PAFAH2: variants seen among roughly 807,000 people sequenced by gnomAD.
The protein encoded by PAFAH2 is platelet activating factor acetylhydrolase 2.
A neutral mutation model predicts 49.0 loss-of-function variants in PAFAH2; 42 were observed. That is an observed-to-expected ratio of 0.86 (90% confidence interval 0.67 to 1.11). The LOEUF (loss-of-function observed/expected upper bound fraction) is 1.11, where lower values mean the gene tolerates loss of function less well. PAFAH2 is among the 50% of genes least tolerant of loss of function. PAFAH2 has a pLI of 0.00. For synonymous variants in PAFAH2, 184 were observed against 181.3 expected (o/e 1.01, Z -0.12); for missense variants, 503 against 501.8 (o/e 1.00, Z -0.02).
At chr1:25,992,874 G>A (rs545063170) in intron 1 of PAFAH2, among the ~76,000 whole-genome samples, 1 of 152,276 alleles carries the variant, frequency 6.6e-6, no homozygotes, top group Non-Finnish European at 1.5e-5. Context: ...CATTAGGTTG[G>A]TCCAATAGGC....
At chr1:25,981,220 TA>T (rs35627679) in intron 7 of PAFAH2, among the ~76,000 whole-genome samples, 84,030 of 151,892 alleles carry the variant, frequency 0.55, 25,751 homozygotes, top group East Asian at 0.7. Flanking sequence ...CATAATTGTG[TA>T]AAAAAAATAT....
intron 7 of PAFAH2, 57 bp from the exon 8 acceptor site, chr1:25,976,830 T>C: frequency 7.1e-7 from 1 of 1,400,088 alleles, no homozygotes; most frequent in Non-Finnish European, 1.0e-6. Context: ...TCTTTAGGAA[T>C]TCATCAGGAG....
At chr1:25,963,965 G>A (rs11580136) in intron 10 of PAFAH2, among the ~76,000 whole-genome samples, 7,853 of 152,220 alleles carry the variant, frequency 0.052, 297 homozygotes, top group East Asian at 0.19. Context: ...CGTGCCTGGC[G>A]CGTTCGAGGC....
In PAFAH2 at chr1:25,984,096, C is replaced by T. The variant is rs561834862; in HGVS notation, c.411-9G>A. 4 of 1,613,790 alleles carry T rather than the reference C, an allele frequency of 2.5e-6. No homozygotes were observed. The East Asian group carries it at 6.7e-5, about 27-fold the overall frequency. The stretch of plus-strand genomic sequence containing the variant: ...TTGCCGCTGACCGGTCCCTGAAATA[C>T]ACACATCATCAGAGAGAAACCAGAA... On this transcript the variant is annotated splice_polypyrimidine_tract_variant and intron_variant, in intron 5 of 10. Transcript: ENST00000374282.
chr1:25,988,157 TGA>T (rs1390760716), intron 4 of PAFAH2, 72 bp downstream of exon 4: 1 of 927,842 alleles, frequency 1.1e-6, no homozygotes, highest in Admixed American at 2.7e-5. Flanking sequence ...TTTTGCCCTT[TGA>T]GAATAAGCTA....
intron 8 of PAFAH2, 121 bp from the exon 9 acceptor site, chr1:25,974,771 G>C (rs560738427): frequency 5.9e-5 from 48 of 813,854 alleles, no homozygotes; most frequent in East Asian, 5.9e-4. Context: ...AGCCAGGAGG[G>C]GGGTACCAGG....
intron 1 of PAFAH2, among the ~76,000 whole-genome samples, chr1:25,996,642 A>C (rs1389088321): frequency 6.6e-6 from 1 of 151,220 alleles, no homozygotes; most frequent in Admixed American, 6.6e-5. Context: ...ACTCCATCTC[A>C]AAAAAAAAGA....
chr1:25,962,169 T>A, intron 10 of PAFAH2, 86 bp from the exon 11 acceptor site: 1 of 1,098,264 alleles, frequency 9.1e-7, no homozygotes, highest in African/African-American at 1.6e-5. Flanking sequence ...GGGGTCATCC[T>A]AGAGAGAGGA....
At chr1:25,977,826 G>C (rs187188494) in intron 7 of PAFAH2, among the ~76,000 whole-genome samples, 4 of 152,236 alleles carry the variant, frequency 2.6e-5, no homozygotes, top group African/African-American at 9.6e-5. Context: ...AGCTGAGGGT[G>C]AAACGGGGAT....
chr1:25,987,572 C>A (rs893909667), intron 4 of PAFAH2, among the ~76,000 whole-genome samples: 1 of 152,040 alleles, frequency 6.6e-6, no homozygotes, highest in Non-Finnish European at 1.5e-5. Flanking sequence ...ACAGAGTGAA[C>A]CCTCATGTTA....
At chr1:25,995,357 T>C (rs2049923898) in intron 1 of PAFAH2, among the ~76,000 whole-genome samples, 1 of 152,220 alleles carries the variant, frequency 6.6e-6, no homozygotes, top group Non-Finnish European at 1.5e-5. Context: ...ATAGAGAATC[T>C]AGATCTTAGG....
rs755298086 is a variant in PAFAH2 at position 25,976,750 on chromosome 1, C to A, written c.690G>T (p.Val230=). 1 of 1,614,176 alleles carries A rather than the reference C, an allele frequency of 6.2e-7. No individual in the cohort carries two copies. Among genetic ancestry groups the A allele is most frequent in the Non-Finnish European group, 8.5e-7 (1 of 1,180,032 alleles). Reference sequence around the variant, plus strand: ...CTCCAAATGAATGTCCCATCACAGCCACACGGCTCATGTCAATGTTGCCCT... The same window carrying A: ...CTCCAAATGAATGTCCCATCACAGCAACACGGCTCATGTCAATGTTGCCCT... ...TLKGNIDMSR[V]AVMGHSFGGA... The change falls in exon 8 of 11, where the codon GTG becomes GTT. Residue 230 remains valine, a synonymous_variant. Coordinates refer to ENST00000374282, the MANE Select transcript of PAFAH2 (RefSeq NM_000437.4).
At chr1:25,974,245 CTAGGTAAATCCTGTCATAAAGTCAGA>C (rs2049553081) in intron 9 of PAFAH2, among the ~76,000 whole-genome samples, 1 of 152,134 alleles carries the variant, frequency 6.6e-6, no homozygotes, top group Non-Finnish European at 1.5e-5. Context: ...TCAGAAAGTA[CTAGGTAAATCCTGTCATAAAGTCAGA>C]TAAACTATGG....
intron 3 of PAFAH2, 75 bp from the exon 4 acceptor site, chr1:25,988,402 T>C (rs2049818699): frequency 9.4e-7 from 1 of 1,066,768 alleles, no homozygotes; most frequent in East Asian, 2.5e-5. Flanking sequence ...AGTATAGGTA[T>C]GGGTGGGGAC....
chr1:25,988,956 A>G (rs1272440485), intron 3 of PAFAH2, among the ~76,000 whole-genome samples: 1 of 152,098 alleles, frequency 6.6e-6, no homozygotes, highest in Non-Finnish European at 1.5e-5. Flanking sequence ...GGATGACTCA[A>G]TGTTACCCTA....
Position 25,976,714 on chromosome 1 carries a change from A to T in PAFAH2, c.726T>A (p.Ala242=). 1 of 1,614,236 alleles carries T rather than the reference A, an allele frequency of 6.2e-7. No homozygotes were observed. The highest frequency in any genetic ancestry group is 8.5e-7 in the Non-Finnish European group (1 of 1,180,026). ...VMGHSFGGAT[A]ILALAKETQF... ...GGGTCTCCTTGGCCAAAGCCAGAAT[A>T]GCTGTGGCCCCTCCAAATGAATGTC... Residue 242 remains alanine, a synonymous_variant, in exon 8 of 11, where the codon GCT becomes GCA. Coordinates refer to ENST00000374282, the MANE Select transcript of PAFAH2 (RefSeq NM_000437.4).
At chr1:25,990,517 C>T (rs549981123) in intron 2 of PAFAH2, among the ~76,000 whole-genome samples, 4 of 152,208 alleles carry the variant, frequency 2.6e-5, no homozygotes, top group Non-Finnish European at 4.4e-5. Flanking sequence ...GGAAAATGAA[C>T]GCATTATCTC....
chr1:25,995,358 AG>A (rs2049923978), intron 1 of PAFAH2, among the ~76,000 whole-genome samples: 1 of 152,222 alleles, frequency 6.6e-6, no homozygotes, highest in Non-Finnish European at 1.5e-5. Flanking sequence ...TAGAGAATCT[AG>A]ATCTTAGGTT....
intron 10 of PAFAH2, among the ~76,000 whole-genome samples, chr1:25,965,509 C>T (rs1005637709): frequency 6.6e-6 from 1 of 152,092 alleles, no homozygotes; most frequent in African/African-American, 2.4e-5. Flanking sequence ...CAACAAAGGG[C>T]TAATATCCAG....
Sources: gnomAD v4.1 joint callset for allele counts (sites outside exome capture counted in the v4.1 genomes callset) on GRCh38, gnomAD v4.1.1 for gene constraint, MANE v1.5 for transcripts, NCBI Gene and HGNC (gene_info 2026-07-23, HGNC 2026-07-21) for gene names.